The following ACO2 variants were observed in gnomAD, a reference collection of about 807,000 sequenced individuals.
ACO2 encodes the protein aconitate hydratase, mitochondrial.
Under a neutral mutation model 84.5 loss-of-function variants are expected in ACO2, and 31 were observed. The ratio of observed to expected loss-of-function variants is 0.37; its 90% CI spans 0.28 to 0.50. ACO2 has a LOEUF of 0.50. Ranked by LOEUF, ACO2 falls within the 20% of genes least tolerant of loss-of-function variation. ACO2 has a pLI of 0.97. For synonymous variants in ACO2, 414 were observed against 412.7 expected, an observed-to-expected ratio of 1.00 and a Z score of -0.04; for missense variants, 685 against 1,029.3, an observed-to-expected ratio of 0.67 and a Z score of 4.58.
chr22:41,525,661 A>G lies in ACO2; in HGVS notation c.1761+313A>G, dbSNP rs73178621. 0.19 allele frequency: 69,610 copies of G among 362,058 alleles called. 8,789 individuals carry two copies. Among genetic ancestry groups the G allele is most frequent in the Admixed American group, 0.4 (9,637 of 23,808 alleles). 22.4% of individuals were successfully genotyped at this position (362,058 alleles called of 1,614,324 possible). A position where few individuals can be genotyped will look rare whatever the true frequency, so the allele number is the denominator to read the frequency against. On this transcript the variant is annotated intron_variant, in intron 14 of 17. Transcript: ENST00000216254. ...AGTACAGCTCAGGCTGGGCTGGGAC[A>G]GTGTGTGTGATTGCACAGCAGGCTC...
chr22:41,499,527 C>T (rs527386060), intron 1 of ACO2, among the ~76,000 whole-genome samples, 199 bp from the exon 2 acceptor site: 1 of 152,342 alleles, frequency 6.6e-6, no homozygotes, highest in South Asian at 2.1e-4. Context: ...AAATCCCTTG[C>T]ACTTTTTTCC....
chr22:41,520,092 G>C (rs768966353), intron 8 of ACO2, 79 bp from the exon 9 acceptor site: 238 of 1,263,944 alleles, frequency 1.9e-4, no homozygotes, highest in Non-Finnish European at 2.5e-4. Flanking sequence ...GGGACGTGGT[G>C]AGGCAGTGAA....
At chr22:41,500,024 AGTG>A in intron 2 of ACO2, among the ~76,000 whole-genome samples, 162 bp downstream of exon 2, 1 of 152,170 alleles carries the variant, frequency 6.6e-6, no homozygotes, top group Non-Finnish European at 1.5e-5. Flanking sequence ...ATTCCAGATC[AGTG>A]GTGTAACTTC....
rs2066594586 is a variant in ACO2, at chr22:41,526,290, T to TCTCAG, written c.1793_1797dup (p.Ala600GlnfsTer62). The TCTCAG allele has an allele frequency of 6.2e-7, 1 of 1,612,290 alleles. No homozygotes were observed. Among genetic ancestry groups the TCTCAG allele is most frequent in the Non-Finnish European group, 8.5e-7 (1 of 1,180,018 alleles). ...AAAGGGAAGTGTACCACTGACCACA[T>TCTCAG]CTCAGCTGCTGGCCCCTGGCTCAAG... On this transcript the variant is annotated frameshift_variant, in exon 15 of 18. Transcript: ENST00000216254. LOFTEE classifies it high-confidence loss of function.
At chr22:41,527,539 C>T in intron 16 of ACO2, 119 bp downstream of exon 16, 1 of 1,374,630 alleles carries the variant, frequency 7.3e-7, no homozygotes, top group African/African-American at 1.4e-5. Flanking sequence ...GCCCACAGGC[C>T]CGTCAGCCTC....
intron 1 of ACO2, among the ~76,000 whole-genome samples, chr22:41,483,795 CT>C (rs1176301215): frequency 2.5e-4 from 38 of 152,122 alleles, no homozygotes; most frequent in Non-Finnish European, 4.4e-4. Flanking sequence ...ATGGCAGATA[CT>C]TGAGGATGTG....
At chr22:41,492,052 C>T (rs189021512) in intron 1 of ACO2, among the ~76,000 whole-genome samples, 11 of 152,290 alleles carry the variant, frequency 7.2e-5, no homozygotes, top group Non-Finnish European at 1.5e-4. Flanking sequence ...TACCAGCTAT[C>T]GAATTCTGAC....
intron 8 of ACO2, among the ~76,000 whole-genome samples, chr22:41,519,441 T>C (rs945636723): frequency 6.6e-6 from 1 of 152,208 alleles, no homozygotes; most frequent in African/African-American, 2.4e-5. Context: ...GCTGCGCACA[T>C]AGCTGAGTGC....
chr22:41,507,275 G>A (rs867114994), intron 2 of ACO2, among the ~76,000 whole-genome samples: 22 of 152,278 alleles, frequency 1.4e-4, no homozygotes, highest in African/African-American at 5.3e-4. Context: ...GTAGATGGCG[G>A]ACAGGGTGGA....
intron 3 of ACO2, among the ~76,000 whole-genome samples, chr22:41,510,376 T>C (rs2066425038): frequency 6.6e-6 from 1 of 152,146 alleles, no homozygotes; most frequent in African/African-American, 2.4e-5. Flanking sequence ...AAGTGACCGA[T>C]TTGTAAATGA....
intron 1 of ACO2, among the ~76,000 whole-genome samples, chr22:41,495,284 C>G (rs779784462): frequency 3.3e-5 from 5 of 152,230 alleles, no homozygotes; most frequent in Non-Finnish European, 2.9e-5. Context: ...CCTCCTGCCT[C>G]AGCCTCCCAA....
chr22:41,475,534 G>T (rs2146078235), intron 1 of ACO2, among the ~76,000 whole-genome samples: 1 of 152,224 alleles, frequency 6.6e-6, no homozygotes, highest in South Asian at 2.1e-4. Context: ...GAAGGCAGTG[G>T]TGGGCTCTGG....
rs1454196018 is a variant in ACO2, at chr22:41,528,657, C to T, written c.*44C>T. Reference sequence around the variant, plus strand: ...CCGCCGCTGGCGTCAAGTTCAGCTCCACGTGTGCCATCAGTGGATCCGATC... The same window carrying T: ...CCGCCGCTGGCGTCAAGTTCAGCTCTACGTGTGCCATCAGTGGATCCGATC... On this transcript the variant is annotated 3_prime_UTR_variant, in exon 18 of 18. Coordinates refer to ENST00000216254, the MANE Select transcript of ACO2 (RefSeq NM_001098.3). 6.9e-6 allele frequency: 11 copies of T among 1,603,232 alleles called. No homozygotes were observed. The highest frequency in any genetic ancestry group is 7.6e-6 in the Non-Finnish European group (9 of 1,176,862).
chr22:41,523,716 T>C, intron 11 of ACO2, 114 bp from the exon 12 acceptor site: 1 of 969,374 alleles, frequency 1.0e-6, no homozygotes, highest in Non-Finnish European at 1.6e-6. Flanking sequence ...CTCTTCATTT[T>C]CCCTCGGTAG....
chr22:41,520,086 C>G, intron 8 of ACO2, 85 bp from the exon 9 acceptor site: 1 of 1,186,558 alleles, frequency 8.4e-7, no homozygotes, highest in Admixed American at 2.0e-5. Flanking sequence ...TCTGTGGGGA[C>G]GTGGTGAGGC....
At chr22:41,528,358 GATTTGGTT>G in intron 17 of ACO2, 113 bp from the exon 18 acceptor site, 2 of 1,402,620 alleles carry the variant, frequency 1.4e-6, no homozygotes, top group Non-Finnish European at 1.9e-6. Flanking sequence ...ACTGGCCTAG[GATTTGGTT>G]TGCCTGCTGA....
intron 1 of ACO2, among the ~76,000 whole-genome samples, chr22:41,484,141 TTAA>T (rs2038122377): frequency 6.6e-6 from 1 of 152,232 alleles, no homozygotes; most frequent in African/African-American, 2.4e-5. Context: ...TTTTTAAATT[TTAA>T]TAATGCGTAA....
At position 41,517,645 on chromosome 22, in the gene ACO2, G is replaced by C. The variant is rs201755525; in HGVS notation, c.940+14G>C. ...CCGGCCGGGAAGGTGAGCTGGCAGG[G>C]GCAGGCCCGTGTGGGTGGAACAGTC... On this transcript the variant is annotated intron_variant, in intron 7 of 17. Transcript: ENST00000216254. 1 of 1,610,862 alleles carries C rather than the reference G, an allele frequency of 6.2e-7. No homozygotes were observed. Among genetic ancestry groups the C allele is most frequent in the African/African-American group, 1.3e-5 (1 of 74,968 alleles).
chr22:41,470,650 T>A (rs1432026823), intron 1 of ACO2, among the ~76,000 whole-genome samples: 2 of 149,738 alleles, frequency 1.3e-5, no homozygotes, highest in Non-Finnish European at 3.0e-5. Flanking sequence ...CAAGTGACTC[T>A]CCTGCCCTCA....
Sources: allele counts gnomAD v4.1 joint callset (sites outside exome capture counted in the v4.1 genomes callset), GRCh38; gene constraint gnomAD v4.1.1; transcripts MANE v1.5; gene names NCBI Gene and HGNC (gene_info 2026-07-23, HGNC 2026-07-21).